ANXA3: variants seen among roughly 807,000 people sequenced by gnomAD.
ANXA3 encodes the protein 35-alpha calcimedin.
A neutral mutation model predicts 48.8 loss-of-function variants in ANXA3; 46 were observed. The ratio of observed to expected loss-of-function variants is 0.94; its 90% CI spans 0.74 to 1.21. The LOEUF (loss-of-function observed/expected upper bound fraction) is 1.21, where lower values mean the gene tolerates loss of function less well. ANXA3 is among the 50% of genes most tolerant of loss of function. The pLI, the probability that ANXA3 is intolerant of heterozygous loss-of-function variation, is 0.00. For synonymous variants in ANXA3, 128 were observed against 134.7 expected (o/e 0.95, Z 0.35); for missense variants, 383 against 378.6 (o/e 1.01, Z -0.10).
At chr4:78,582,132 GAA>G (rs766997397) in intron 4 of ANXA3, 43 bp from the exon 5 acceptor site, 2 of 1,349,952 alleles carry the variant, frequency 1.5e-6, no homozygotes, top group East Asian at 2.3e-5. Context: ...TAGAGAAAGA[GAA>G]AAAAAGTATT....
In ANXA3 at chr4:78,610,203, A is replaced by G; in HGVS notation, c.*88A>G. The G allele has an allele frequency of 1.2e-6, 1 of 852,894 alleles. No homozygotes were observed. Among genetic ancestry groups the G allele is most frequent in the Non-Finnish European group, 1.8e-6 (1 of 544,698 alleles). The allele number at this position is 852,894 out of a possible 1,614,324, so 52.8% of individuals were successfully genotyped here. ...CTCATACTATTTAAGAGAACAAGCA[A>G]ATATAAACAGCAACTTGTGTTCCTA... On this transcript the variant is annotated 3_prime_UTR_variant, in exon 13 of 13. Coordinates refer to ENST00000264908, the MANE Select transcript of ANXA3 (RefSeq NM_005139.3).
intron 7 of ANXA3, 103 bp downstream of exon 7, chr4:78,591,726 A>C: frequency 1.3e-6 from 1 of 786,740 alleles, no homozygotes; most frequent in Non-Finnish European, 2.1e-6. Context: ...TGAGTTCACA[A>C]TTTTCCTTAT....
intron 5 of ANXA3, among the ~76,000 whole-genome samples, chr4:78,585,878 A>G (rs1174747568): frequency 6.6e-6 from 1 of 152,252 alleles, no homozygotes; most frequent in African/African-American, 2.4e-5. Flanking sequence ...GACCCAGTAC[A>G]GTGATGCAAG....
chr4:78,594,044 T>G (rs1723363699), intron 7 of ANXA3, among the ~76,000 whole-genome samples: 1 of 152,176 alleles, frequency 6.6e-6, no homozygotes, highest in Non-Finnish European at 1.5e-5. Context: ...AAAAATCCTC[T>G]GTGCTCTGCC....
intron 3 of ANXA3, among the ~76,000 whole-genome samples, chr4:78,574,937 C>A (rs1213073221): frequency 6.6e-6 from 1 of 152,196 alleles, no homozygotes; most frequent in Non-Finnish European, 1.5e-5. Context: ...TTTTGCCATA[C>A]TGCTCTCTGA....
chr4:78,568,170 A>T (rs1722769341), intron 2 of ANXA3, among the ~76,000 whole-genome samples: 1 of 152,246 alleles, frequency 6.6e-6, no homozygotes, highest in Admixed American at 6.5e-5. Flanking sequence ...GGGAGACACA[A>T]TTCAACCCAT....
rs368058704 is a variant in ANXA3 at position 78,581,636 on chromosome 4, G to C, written c.199-541G>C. 5.9e-5 allele frequency among the ~76,000 whole-genome samples: 9 copies of C among 152,250 alleles called. No homozygotes were observed. In the East Asian group the frequency reaches 9.6e-4, roughly 16 times the overall value. On this transcript the variant is annotated intron_variant, in intron 4 of 12. Coordinates refer to ENST00000264908, the MANE Select transcript of ANXA3 (RefSeq NM_005139.3). ...AATTATTATTTGTCAGAAAAAATAA[G>C]TCTAATGTATTGCCACACTTAGGGT...
chr4:78,578,749 T>C (rs1021431079), intron 3 of ANXA3, among the ~76,000 whole-genome samples: 21 of 152,202 alleles, frequency 1.4e-4, no homozygotes, highest in African/African-American at 5.1e-4. Flanking sequence ...TAGTAGGTTG[T>C]TTTGTCTGAT....
At chr4:78,606,827 A>G (rs1168847369) in intron 12 of ANXA3, among the ~76,000 whole-genome samples, 2 of 152,220 alleles carry the variant, frequency 1.3e-5, no homozygotes, top group African/African-American at 2.4e-5. Flanking sequence ...GAAATCAGGA[A>G]CTTACTCAAA....
At chr4:78,585,125 G>A (rs1443835360) in intron 5 of ANXA3, among the ~76,000 whole-genome samples, 1 of 152,226 alleles carries the variant, frequency 6.6e-6, no homozygotes, top group African/African-American at 2.4e-5. Context: ...AGCTAACTGC[G>A]TTCTTTGCAG....
chr4:78,583,626 A>AG (rs1723117895), intron 5 of ANXA3, among the ~76,000 whole-genome samples: 3 of 150,876 alleles, frequency 2.0e-5, no homozygotes, highest in Non-Finnish European at 2.9e-5. Context: ...AAAAAAAAAA[A>AG]AAGAAGAAGA....
chr4:78,554,535 A>C (rs867855634), intron 2 of ANXA3, 47 bp downstream of exon 2: 3 of 1,577,706 alleles, frequency 1.9e-6, no homozygotes, highest in Non-Finnish European at 2.6e-6. Context: ...ATATGAGTCA[A>C]ACCAAAACAC....
chr4:78,572,075 T>C (rs1722850694), intron 2 of ANXA3, among the ~76,000 whole-genome samples: 1 of 152,250 alleles, frequency 6.6e-6, no homozygotes, highest in Admixed American at 6.5e-5. Flanking sequence ...CTGTGCGAGA[T>C]GCCATGATGA....
chr4:78,556,253 T>G (rs1722509217), intron 2 of ANXA3, among the ~76,000 whole-genome samples: 1 of 152,220 alleles, frequency 6.6e-6, no homozygotes, highest in Non-Finnish European at 1.5e-5. Flanking sequence ...GGCATTTTTA[T>G]GTGATCATTA....
At chr4:78,601,477 G>T in intron 10 of ANXA3, 33 bp from the exon 11 acceptor site, 1 of 1,605,956 alleles carries the variant, frequency 6.2e-7, no homozygotes, top group Non-Finnish European at 8.5e-7. Context: ...TTTCTATTCC[G>T]TGAAGCTGAA....
chr4:78,597,375 G>T lies in ANXA3; in HGVS notation c.691G>T (p.Glu231Ter), dbSNP rs1723443895. ...QKDIVDSIKG[E>*]LSGHFEDLLL... ...GGACATTGTGGACAGCATAAAAGGA[G>T]AATTATCTGGGCATTTTGAAGACTT... Residue 231 changes from glutamate to a stop codon, truncating the protein, a stop_gained, in exon 10 of 13, where the codon GAA becomes TAA. Transcript: ENST00000264908. LOFTEE classifies it high-confidence loss of function. 6.2e-7 allele frequency: 1 copy of T among 1,610,630 alleles called. No homozygotes were observed. Among genetic ancestry groups the T allele is most frequent in the East Asian group, 2.2e-5 (1 of 44,808 alleles).
At chr4:78,596,327 T>C (rs1423686603) in intron 9 of ANXA3, among the ~76,000 whole-genome samples, 1 of 152,252 alleles carries the variant, frequency 6.6e-6, no homozygotes, top group Non-Finnish European at 1.5e-5. Flanking sequence ...ATTTCTGATA[T>C]GAAGGTAAGT....
chr4:78,600,133 G>A (rs574037893), intron 10 of ANXA3, among the ~76,000 whole-genome samples: 23 of 152,282 alleles, frequency 1.5e-4, no homozygotes, highest in Non-Finnish European at 2.2e-4. Flanking sequence ...ACAAGCCAGA[G>A]TTCAGGAACC....
At chr4:78,564,269 A>G (rs934174511) in intron 2 of ANXA3, among the ~76,000 whole-genome samples, 1 of 152,202 alleles carries the variant, frequency 6.6e-6, no homozygotes, top group African/African-American at 2.4e-5. Context: ...CATGCATTTC[A>G]TGTCTCCAGT....
Sources: gnomAD v4.1 joint callset for allele counts (sites outside exome capture counted in the v4.1 genomes callset) on GRCh38, gnomAD v4.1.1 for gene constraint, MANE v1.5 for transcripts, NCBI Gene and HGNC (gene_info 2026-07-23, HGNC 2026-07-21) for gene names.